Variants in SLC20A1 observed in about 807,000 individuals in gnomAD.
SLC20A1 encodes the protein solute carrier family 20 member 1.
Under a neutral mutation model 62.7 loss-of-function variants are expected in SLC20A1, and 28 were observed. The ratio of observed to expected loss-of-function variants is 0.45; its 90% CI spans 0.33 to 0.61. The LOEUF is 0.61. SLC20A1 is among the 20% of genes least tolerant of loss of function. The pLI is 0.02. For synonymous variants in SLC20A1, 305 were observed against 302.9 expected, an observed-to-expected ratio of 1.01 and a Z score of -0.07; for missense variants, 673 against 838.6, an observed-to-expected ratio of 0.80 and a Z score of 2.44.
intron 1 of SLC20A1, among the ~76,000 whole-genome samples, chr2:112,646,354 G>A (rs1043718037): frequency 1.3e-5 from 2 of 151,856 alleles, no homozygotes; most frequent in East Asian, 1.9e-4. Context: ...GGCGCGCGCG[G>A]GCTGGCAGCG....
intron 4 of SLC20A1, among the ~76,000 whole-genome samples, chr2:112,649,107 C>G (rs1686361237): frequency 6.6e-6 from 1 of 152,180 alleles, no homozygotes; most frequent in African/African-American, 2.4e-5. Context: ...AACACTTATT[C>G]CCCGGAAGGG....
At chr2:112,657,049 A>G in intron 5 of SLC20A1, 73 bp from the exon 6 acceptor site, 1 of 1,580,684 alleles carries the variant, frequency 6.3e-7, no homozygotes, top group South Asian at 1.1e-5. Context: ...CTCAGTCCCC[A>G]GAGGAGGGTT....
intron 5 of SLC20A1, among the ~76,000 whole-genome samples, chr2:112,655,519 A>G (rs1055131436): frequency 8.3e-5 from 6 of 72,672 alleles, no homozygotes; most frequent in African/African-American, 2.9e-4. Flanking sequence ...AATATCTTTT[A>G]TGGGTTTTTT....
rs191216821 is a variant in SLC20A1, at chr2:112,663,189, T to C, written c.*164T>C. Reference sequence around the variant, plus strand: ...GTGCTATAACTGCTTTTGTGCTAAATATGAATTGTCTCAAAATTAGCTGTG... The same window carrying C: ...GTGCTATAACTGCTTTTGTGCTAAACATGAATTGTCTCAAAATTAGCTGTG... On this transcript the variant is annotated 3_prime_UTR_variant, in exon 11 of 11. Coordinates refer to ENST00000272542, the MANE Select transcript of SLC20A1 (RefSeq NM_005415.5). 4.4e-4 allele frequency: 376 copies of C among 846,862 alleles called. 3 individuals are homozygous for C. Among genetic ancestry groups the C allele is most frequent in the Admixed American group, 2.3e-3 (116 of 51,458 alleles). 52.5% of individuals were successfully genotyped at this position (846,862 alleles called of 1,614,324 possible).
chr2:112,654,043 C>T (rs546321251), intron 5 of SLC20A1, among the ~76,000 whole-genome samples: 49 of 152,288 alleles, frequency 3.2e-4, no homozygotes, highest in African/African-American at 1.1e-3. Flanking sequence ...CCGCCTGCCT[C>T]AGCCTCCCAA....
chr2:112,657,385 A>G (rs1004061497), intron 6 of SLC20A1, 144 bp downstream of exon 6: 2 of 860,104 alleles, frequency 2.3e-6, no homozygotes, highest in Non-Finnish European at 3.5e-6. Flanking sequence ...TTGTTGTCCA[A>G]ACTGTTTTTA....
Position 112,657,237 on chromosome 2 carries a change from T to C in SLC20A1, c.774T>C (p.Ile258=), listed in dbSNP as rs754326504. 1 of 1,613,292 alleles carries C rather than the reference T, an allele frequency of 6.2e-7. No homozygotes were observed. Among genetic ancestry groups the C allele is most frequent in the South Asian group, 1.1e-5 (1 of 91,046 alleles). ...TATGTCCCAGGATGAAGAGAAAAAT[T>C]GAACGTAAGTAATAACTAAACAGCA... ...FFVCPRMKRK[I]EREIKCSPSE... is the part of the protein sequence containing the mutation. Residue 258 remains isoleucine (I), a synonymous_variant, in exon 6 of 11, where the codon ATT becomes ATC. Transcript: ENST00000272542.
Position 112,660,373 on chromosome 2 carries a change from T to C in SLC20A1, c.1608-14T>C, listed in dbSNP as rs776510793. The C allele has an allele frequency of 6.2e-7, 1 of 1,612,358 alleles. No individual in the cohort carries two copies. The highest frequency in any genetic ancestry group is 1.3e-5 in the African/African-American group (1 of 74,944). On this transcript the variant is annotated splice_polypyrimidine_tract_variant and intron_variant, in intron 8 of 10. Transcript: ENST00000272542. ...TGCCTGAAAAGTCACTTCTGCCCTC[T>C]TTGTTTCTTCCAGCAATGCCATTGG... is the stretch of plus-strand genomic sequence containing the variant.
Position 112,659,374 on chromosome 2 carries a change from T to C in SLC20A1, c.1219T>C (p.Ser407Pro). 6.2e-7 allele frequency: 1 copy of C among 1,614,174 alleles called. No homozygotes were observed. Among genetic ancestry groups the C allele is most frequent in the Non-Finnish European group, 8.5e-7 (1 of 1,180,026 alleles). The part of the protein sequence containing the change: ...LAKVGDCMGD[S>P]GDKPLRRNNS... ...CAAGGTGGGAGATTGCATGGGAGAC[T>C]CCGGTGACAAACCCTTAAGGCGCAA... is the stretch of plus-strand genomic sequence containing the variant. Residue 407 changes from serine to proline, a missense_variant, in exon 8 of 11, where the codon TCC (serine) becomes CCC (proline). Coordinates refer to ENST00000272542, the MANE Select transcript of SLC20A1 (RefSeq NM_005415.5).
chr2:112,657,341 A>C (rs931437494), intron 6 of SLC20A1, 100 bp downstream of exon 6: 3 of 1,247,628 alleles, frequency 2.4e-6, no homozygotes, highest in Non-Finnish European at 3.3e-6. Context: ...TTGGCAAAAT[A>C]AGAGATTTTA....
intron 4 of SLC20A1, among the ~76,000 whole-genome samples, chr2:112,648,269 C>T (rs192577086): frequency 1.7e-3 from 266 of 152,072 alleles, no homozygotes; most frequent in Non-Finnish European, 3.1e-3. Context: ...GTTTTTGGCC[C>T]GCCCCCCAAA....
At chr2:112,646,387 C>T (rs1350600822) in intron 1 of SLC20A1, among the ~76,000 whole-genome samples, 176 bp from the exon 2 acceptor site, 1 of 151,968 alleles carries the variant, frequency 6.6e-6, no homozygotes, top group African/African-American at 2.4e-5. Flanking sequence ...TGGGCGCGCG[C>T]GGGCCGCGGA....
intron 6 of SLC20A1, 39 bp downstream of exon 6, chr2:112,657,280 A>G (rs1318087502): frequency 6.3e-7 from 1 of 1,579,228 alleles, no homozygotes; most frequent in Non-Finnish European, 8.6e-7. Flanking sequence ...TTAACTACTA[A>G]TGTTGTGTTT....
intron 5 of SLC20A1, chr2:112,653,077 G>C (rs1007364334): frequency 3.3e-6 from 2 of 612,512 alleles, no homozygotes; most frequent in Non-Finnish European, 5.5e-6. Flanking sequence ...CCTTTCTCCT[G>C]TCTATGCTAA....
At chr2:112,661,088 G>T in intron 9 of SLC20A1, 54 bp from the exon 10 acceptor site, 1 of 1,338,172 alleles carries the variant, frequency 7.5e-7, no homozygotes, top group Non-Finnish European at 1.1e-6. Flanking sequence ...TGTAGTGTTA[G>T]CTTCTCAAAA....
rs551835571 is a variant in SLC20A1, at chr2:112,647,483, G to A, written c.475+19G>A. 1.4e-5 allele frequency: 23 copies of A among 1,605,012 alleles called. No homozygotes were observed. The South Asian group carries it at 2.5e-4, about 17-fold the overall frequency. On this transcript the variant is annotated intron_variant, in intron 3 of 10. Coordinates refer to ENST00000272542, the MANE Select transcript of SLC20A1 (RefSeq NM_005415.5). ...AAAATTGGTATGTTTAATTCCAAAC[G>A]GCTTCTTAATTTTCGTTTTCGTCAT...
intron 5 of SLC20A1, 107 bp downstream of exon 5, chr2:112,652,905 A>G: frequency 6.2e-7 from 1 of 1,603,270 alleles, no homozygotes; most frequent in Non-Finnish European, 8.5e-7. Context: ...AATCTCCTAG[A>G]AGGTGGCTGG....
At position 112,646,813 on chromosome 2, in the gene SLC20A1, A is replaced by G. The variant is rs755189288; in HGVS notation, c.-16A>G. The G allele has an allele frequency of 2.2e-5, 35 of 1,587,788 alleles. No homozygotes were observed. Among genetic ancestry groups the G allele is most frequent in the Non-Finnish European group, 3.0e-5 (35 of 1,163,560 alleles). On this transcript the variant is annotated 5_prime_UTR_variant, in exon 2 of 11. Coordinates refer to ENST00000272542, the MANE Select transcript of SLC20A1 (RefSeq NM_005415.5). ...CGCTCAGTAGTTCTCTTACTAAACA[A>G]CCACTACTCCAGAGAATGGCAACGC... is the stretch of plus-strand genomic sequence containing the variant.
At position 112,647,757 on chromosome 2, in the gene SLC20A1, A is replaced by G. The variant is rs1367407840; in HGVS notation, c.561+19A>G. On this transcript the variant is annotated intron_variant, in intron 4 of 10. Coordinates refer to ENST00000272542, the MANE Select transcript of SLC20A1 (RefSeq NM_005415.5). ...CCATAAGGTAACCTTTCTCCCCCGT[A>G]TGAAGACCTTTCATGGAGCACACCC... is the stretch of plus-strand genomic sequence containing the variant. 4.4e-6 allele frequency: 7 copies of G among 1,583,794 alleles called. No individual in the cohort carries two copies. In the African/African-American group the frequency reaches 5.4e-5, roughly 12 times the overall value.
Sources: allele counts gnomAD v4.1 joint callset (sites outside exome capture counted in the v4.1 genomes callset), GRCh38; gene constraint gnomAD v4.1.1; transcripts MANE v1.5; gene names NCBI Gene and HGNC (gene_info 2026-07-23, HGNC 2026-07-21).